POC5: variants seen among roughly 807,000 people sequenced by gnomAD.
The protein encoded by POC5 is centrosomal protein POC5.
A neutral mutation model predicts 62.9 loss-of-function variants in POC5; 48 were observed. The ratio of observed to expected loss-of-function variants is 0.76; its 90% CI spans 0.61 to 0.97. The LOEUF (loss-of-function observed/expected upper bound fraction) is 0.97. Ranked by LOEUF, POC5 falls within the 50% of genes least tolerant of loss-of-function variation. The pLI, the probability that POC5 is intolerant of heterozygous loss-of-function variation, is 0.00. For synonymous variants in POC5, 236 were observed against 228.2 expected, an observed-to-expected ratio of 1.03 and a Z score of -0.31; for missense variants, 696 against 679.5, an observed-to-expected ratio of 1.02 and a Z score of -0.27.
chr5:75,688,941 C>A, intron 9 of POC5, 71 bp downstream of exon 9: 1 of 1,398,942 alleles, frequency 7.1e-7, no homozygotes, highest in Non-Finnish European at 9.5e-7. Context: ...TACTGTAGAC[C>A]ATACCAATCA....
At chr5:75,693,626 A>C (rs1200151984) in intron 6 of POC5, among the ~76,000 whole-genome samples, 1 of 87,102 alleles carries the variant, frequency 1.1e-5, no homozygotes, top group Non-Finnish European at 2.9e-5. Flanking sequence ...CCATTGTTTC[A>C]AAAAAAATTC....
At chr5:75,687,940 G>A (rs932212715) in intron 9 of POC5, among the ~76,000 whole-genome samples, 5 of 152,060 alleles carry the variant, frequency 3.3e-5, no homozygotes, top group South Asian at 2.1e-4. Flanking sequence ...CCATTTATTG[G>A]AAAAATCAAG....
chr5:75,698,806 T>C (rs907928281), intron 5 of POC5, among the ~76,000 whole-genome samples: 2 of 151,960 alleles, frequency 1.3e-5, no homozygotes, highest in Non-Finnish European at 2.9e-5. Flanking sequence ...ATGAACAAAA[T>C]TGATAGACTG....
intron 11 of POC5, chr5:75,677,371 A>G (rs1775707773): frequency 1.3e-5 from 2 of 152,566 alleles, no homozygotes; most frequent in Admixed American, 1.3e-4. Flanking sequence ...ATTAAAAACT[A>G]TAAATGTAGG....
chr5:75,680,794 G>GA (rs569783051), intron 10 of POC5, among the ~76,000 whole-genome samples: 1 of 152,088 alleles, frequency 6.6e-6, no homozygotes, highest in Non-Finnish European at 1.5e-5. Context: ...GGAGATCATA[G>GA]AAAATATATT....
At chr5:75,688,571 C>G (rs889714180) in intron 9 of POC5, among the ~76,000 whole-genome samples, 1 of 152,054 alleles carries the variant, frequency 6.6e-6, no homozygotes, top group South Asian at 2.1e-4. Context: ...TTAGTTGAGG[C>G]CTTTCATAAA....
intron 10 of POC5, among the ~76,000 whole-genome samples, chr5:75,681,090 A>G (rs1248999395): frequency 6.6e-6 from 1 of 152,180 alleles, no homozygotes. Flanking sequence ...GGAGTAAGAA[A>G]AAAAATGAAA....
At chr5:75,697,945 CCAA>C (rs1475377475) in intron 5 of POC5, among the ~76,000 whole-genome samples, 3 of 143,692 alleles carry the variant, frequency 2.1e-5, no homozygotes, top group Non-Finnish European at 4.6e-5. Context: ...AGACTTTAAA[CCAA>C]CAAAGATCAA....
intron 11 of POC5, chr5:75,677,464 G>C (rs1353136559): frequency 5.9e-6 from 1 of 170,704 alleles, no homozygotes; most frequent in Non-Finnish European, 1.2e-5. Flanking sequence ...TGATAATAAA[G>C]CATTTACATA....
At chr5:75,712,132 A>G (rs1777370041) in intron 2 of POC5, 1 of 198,638 alleles carries the variant, frequency 5.0e-6, no homozygotes, top group Non-Finnish European at 9.0e-6. Flanking sequence ...TTTGTTTCAT[A>G]AAATATTTTC....
At chr5:75,700,167 C>G (rs1217165233) in intron 5 of POC5, among the ~76,000 whole-genome samples, 1 of 151,818 alleles carries the variant, frequency 6.6e-6, no homozygotes, top group African/African-American at 2.4e-5. Flanking sequence ...AGATTCAATG[C>G]CATCCCCATC....
chr5:75,699,724 C>G (rs1332944811), intron 5 of POC5, among the ~76,000 whole-genome samples: 1 of 146,552 alleles, frequency 6.8e-6, no homozygotes, highest in Non-Finnish European at 1.5e-5. Context: ...CCAGGGCAAT[C>G]AGGCAGGAGA....
intron 1 of POC5, among the ~76,000 whole-genome samples, chr5:75,714,352 A>T (rs1003043699): frequency 3.3e-5 from 5 of 152,172 alleles, no homozygotes; most frequent in Non-Finnish European, 1.5e-5. Context: ...ACTGCACTCC[A>T]GCCTGGGTGA....
intron 2 of POC5, chr5:75,712,456 G>A: frequency 6.2e-7 from 1 of 1,606,898 alleles, no homozygotes; most frequent in East Asian, 2.2e-5. Context: ...CCAAACCTCA[G>A]CAAGTAGAAC....
chr5:75,696,394 C>T (rs1776588881), intron 5 of POC5, among the ~76,000 whole-genome samples: 1 of 152,214 alleles, frequency 6.6e-6, no homozygotes, highest in Admixed American at 6.5e-5. Context: ...TCAAGTGGGT[C>T]CCTGACCCCT....
intron 5 of POC5, among the ~76,000 whole-genome samples, chr5:75,698,416 C>T (rs566479898): frequency 1.3e-5 from 2 of 152,246 alleles, no homozygotes; most frequent in Non-Finnish European, 2.9e-5. Flanking sequence ...AAGAATCTCA[C>T]TCAAAACCGC....
Position 75,697,126 on chromosome 5 carries a change from A to C in POC5, c.514-2295T>G, listed in dbSNP as rs561409094. ...GGAGAATGGAACCAAGTTGGAAAAC[A>C]CTCTGCAGGATATTAATCCAGGAGA... On this transcript the variant is annotated intron_variant, in intron 5 of 11. Transcript: ENST00000428202. Among the ~76,000 whole-genome samples, 3 of 152,334 alleles carry C rather than the reference A, an allele frequency of 2.0e-5. No homozygotes were observed. In the East Asian group the frequency reaches 5.8e-4, roughly 29 times the overall value.
chr5:75,713,091 ACCT>A, intron 1 of POC5, 140 bp from the exon 2 acceptor site: 2 of 617,406 alleles, frequency 3.2e-6, no homozygotes, highest in Admixed American at 3.2e-5. Context: ...CATATTGAGT[ACCT>A]ACAGGCAAAA....
chr5:75,684,470 T>C (rs919178258), intron 10 of POC5, among the ~76,000 whole-genome samples: 2 of 150,172 alleles, frequency 1.3e-5, no homozygotes, highest in African/African-American at 4.9e-5. Flanking sequence ...GTTCAAGCAA[T>C]TCTCCTGCCT....
Sources: allele counts gnomAD v4.1 joint callset (sites outside exome capture counted in the v4.1 genomes callset), GRCh38; gene constraint gnomAD v4.1.1; transcripts MANE v1.5; gene names NCBI Gene and HGNC (gene_info 2026-07-23, HGNC 2026-07-21).